HYAL3: variants seen among roughly 807,000 people sequenced by gnomAD.
HYAL3 encodes the protein hyaluronidase-3.
In HYAL3, 25 loss-of-function variants were observed where a neutral mutation model predicts 29.6. The observed-to-expected ratio is 0.85, with a 90% CI of 0.62 to 1.18. The LOEUF (loss-of-function observed/expected upper bound fraction) is 1.18, where lower values mean the gene tolerates loss of function less well. Ranked by LOEUF, HYAL3 falls within the 50% of genes most tolerant of loss-of-function variation. The probability of loss-of-function intolerance (pLI) is 0.00; values close to 1 mark genes in which losing one functional copy is unlikely to be tolerated. For missense variants in HYAL3, 442 were observed against 548.4 expected (o/e 0.81, Z 1.94); for synonymous variants, 215 against 218.3 (o/e 0.99, Z 0.13).
At position 50,295,044 on chromosome 3, in the gene HYAL3, C is replaced by G; in HGVS notation, c.559G>C (p.Val187Leu). Reference protein sequence around the residue: ...ARALMEDTLRVAQALRPHGLW... With the variant: ...ARALMEDTLRLAQALRPHGLW... ...CCATGGGGCCGTAGTGCCTGGGCCACCCGCAGCGTATCCTCCATCAGTGCA... is the reference window on the plus strand; with the variant it reads ...CCATGGGGCCGTAGTGCCTGGGCCAGCCGCAGCGTATCCTCCATCAGTGCA... The change falls in exon 2 of 4, where the codon GTG becomes CTG. Residue 187 changes from valine (V) to leucine (L), a missense_variant. By Grantham distance (32) the Val-to-Leu change is conservative. Transcript: ENST00000336307. 6.2e-7 allele frequency: 1 copy of G among 1,613,462 alleles called. No individual in the cohort carries two copies.
chr3:50,294,633 AG>A, intron 2 of HYAL3, 75 bp downstream of exon 2: 1 of 1,295,216 alleles, frequency 7.7e-7, no homozygotes, highest in Non-Finnish European at 1.0e-6. Context: ...CCCCTAGGCA[AG>A]GTCTTCTCCT....
rs587627859 is a variant in HYAL3 at position 50,293,437 on chromosome 3, C to T, written c.1063G>A (p.Ala355Thr). 1.2e-6 allele frequency: 2 copies of T among 1,613,734 alleles called. No homozygotes were observed. The highest frequency in any genetic ancestry group is 2.7e-5 in the African/African-American group (2 of 75,070). ...YVINVTRAAM[A>T]CSHQRCHGHG... ...CCATGGCACCGCTGGTGACTGCAGG[C>T]CATCGCTGCCCTGGTCACATTGATC... Residue 355 changes from alanine to threonine, a missense_variant, in exon 4 of 4, where the codon GCC becomes ACC. By Grantham distance (58) the Ala-to-Thr change is moderately conservative. Transcript: ENST00000336307.
chr3:50,298,023 A>G (rs1437509863), intron 1 of HYAL3: 6 of 985,976 alleles, frequency 6.1e-6, no homozygotes, highest in Non-Finnish European at 7.2e-6. Context: ...CAGGTCTATA[A>G]AACAGCCGAC....
chr3:50,297,874 A>G lies in HYAL3; in HGVS notation c.-18+1339T>C. 1 of 1,019,650 alleles carries G rather than the reference A, an allele frequency of 9.8e-7. No homozygotes were observed. The highest frequency in any genetic ancestry group is 4.5e-5 in the South Asian group (1 of 22,098). The allele number at this position is 1,019,650 out of a possible 1,614,324, so 63.2% of individuals were successfully genotyped here. A position where few individuals can be genotyped will look rare whatever the true frequency, so the allele number is the denominator to read the frequency against. On this transcript the variant is annotated intron_variant, in intron 1 of 3. Transcript: ENST00000336307. The surrounding 1 kb of genome is among the most constrained non-coding windows in gnomAD (Gnocchi z 4.3). ...GCAGGGCAGATAGATCCAGGTGTCT[A>G]CCCCACATTGGAGGGAGGCTGGGAG... is the stretch of plus-strand genomic sequence containing the variant.
chr3:50,297,802 C>A lies in HYAL3; in HGVS notation c.-18+1411G>T. The A allele has an allele frequency of 8.4e-7, 1 of 1,192,912 alleles. No individual in the cohort carries two copies. The highest frequency in any genetic ancestry group is 1.0e-6 in the Non-Finnish European group (1 of 961,334). The allele number at this position is 1,192,912 out of a possible 1,614,324, so 73.9% of individuals were successfully genotyped here. A position where few individuals can be genotyped will look rare whatever the true frequency, so the allele number is the denominator to read the frequency against. ...GTGGTGGGCTGCACTTTGTCCCACA[C>A]TCACCTGATAGCACAGGTGACCTGG... On this transcript the variant is annotated intron_variant, in intron 1 of 3. Coordinates refer to ENST00000336307, the MANE Select transcript of HYAL3 (RefSeq NM_003549.4). The surrounding 1 kb of genome is among the most constrained non-coding windows in gnomAD (Gnocchi z 4.3).
At position 50,297,347 on chromosome 3, in the gene HYAL3, A is replaced by T; in HGVS notation, c.-17-1728T>A. The stretch of plus-strand genomic sequence containing the variant: ...GGTGTTCAGGATCCAGGGTAAGCTC[A>T]GTTGGACCAGGATTGAAGGTCATCT... On this transcript the variant is annotated intron_variant, in intron 1 of 3. Coordinates refer to ENST00000336307, the MANE Select transcript of HYAL3 (RefSeq NM_003549.4). The surrounding 1 kb of genome is among the most constrained non-coding windows in gnomAD (Gnocchi z 4.3). 6.2e-7 allele frequency: 1 copy of T among 1,611,312 alleles called. No homozygotes were observed. Among genetic ancestry groups the T allele is most frequent in the Non-Finnish European group, 8.5e-7 (1 of 1,178,454 alleles).
rs781876186 is a variant in HYAL3 at position 50,294,895 on chromosome 3, G to A, written c.708C>T (p.Ala236=). 8.3e-6 allele frequency: 13 copies of A among 1,569,354 alleles called. No individual in the cohort carries two copies. The Admixed American group carries it at 1.4e-4, about 17-fold the overall frequency. Residue 236 remains alanine, a synonymous_variant, in exon 2 of 4, where the codon GCC becomes GCT. Transcript: ENST00000336307. ...TGCTGGGGAAGAGGGCACTGGAGGC[G>A]GCCCAGAGCCAATGCAGTTGAGTGT... is the stretch of plus-strand genomic sequence containing the variant. The part of the protein sequence containing the change: ...ARNTQLHWLW[A]ASSALFPSIY...
At position 50,297,485 on chromosome 3, in the gene HYAL3, A is replaced by T. The variant is rs782264090; in HGVS notation, c.-18+1728T>A. The T allele has an allele frequency of 3.8e-5, 60 of 1,566,608 alleles. No homozygotes were observed. In the Admixed American group the frequency reaches 1.1e-3, roughly 29 times the overall value. On this transcript the variant is annotated intron_variant, in intron 1 of 3. Coordinates refer to ENST00000336307, the MANE Select transcript of HYAL3 (RefSeq NM_003549.4). This position sits in a 1 kb window ranked among gnomAD's most constrained non-coding sequence, Gnocchi z 4.3. ...CCATCCGGTGTGTAGGGTCTAGTGTAGGGGTCAGCTTGGCTGGGCCAGGGC... is the reference window on the plus strand; with the variant it reads ...CCATCCGGTGTGTAGGGTCTAGTGTTGGGGTCAGCTTGGCTGGGCCAGGGC...
chr3:50,292,909 T>G lies in HYAL3; in HGVS notation c.*337A>C. The stretch of plus-strand genomic sequence containing the variant: ...TTTACCGACCTTCGCCAAGATTTTT[T>G]GGGGCCCATCTGCCCGTGCACGGCC... On this transcript the variant is annotated 3_prime_UTR_variant, in exon 4 of 4. Transcript: ENST00000336307. 1 of 1,501,602 alleles carries G rather than the reference T, an allele frequency of 6.7e-7. No individual in the cohort carries two copies. The highest frequency in any genetic ancestry group is 1.1e-5 in the South Asian group (1 of 89,414). 93.0% of individuals were successfully genotyped at this position (1,501,602 alleles called of 1,614,324 possible). A position where few individuals can be genotyped will look rare whatever the true frequency, so the allele number is the denominator to read the frequency against.
rs781987871 is a variant in HYAL3, at chr3:50,297,219, T to C, written c.-17-1600A>G. ...GCGGGAGGTGCGGCTGCGGGGCCAC[T>C]GATCATTGATGAGGTCAGCACAAGC... On this transcript the variant is annotated intron_variant, in intron 1 of 3. Transcript: ENST00000336307. This position sits in a 1 kb window ranked among gnomAD's most constrained non-coding sequence, Gnocchi z 4.3. 1.6e-5 allele frequency: 26 copies of C among 1,612,720 alleles called. No individual in the cohort carries two copies. In the South Asian group the frequency reaches 2.6e-4, roughly 16 times the overall value.
chr3:50,293,535 T>G lies in HYAL3; in HGVS notation c.985-20A>C, dbSNP rs782543339. On this transcript the variant is annotated intron_variant, in intron 3 of 3. Coordinates refer to ENST00000336307, the MANE Select transcript of HYAL3 (RefSeq NM_003549.4). ...CTCCTCCTGAGGAGAAGGGAAGATA[T>G]GTGTCAATATGCCTGCTCTATAATC... The G allele has an allele frequency of 6.2e-7, 1 of 1,611,266 alleles. No homozygotes were observed. The highest frequency in any genetic ancestry group is 8.5e-7 in the Non-Finnish European group (1 of 1,177,892).
chr3:50,294,896 G>A lies in HYAL3; in HGVS notation c.707C>T (p.Ala236Val). 1 of 1,575,582 alleles carries A rather than the reference G, an allele frequency of 6.3e-7. No homozygotes were observed. The highest frequency in any genetic ancestry group is 8.7e-7 in the Non-Finnish European group (1 of 1,154,310). Residue 236 changes from alanine (A) to valine (V), a missense_variant, in exon 2 of 4, where the codon GCC becomes GTC. Ala to Val is a moderately conservative substitution (Grantham distance 64). Coordinates refer to ENST00000336307, the MANE Select transcript of HYAL3 (RefSeq NM_003549.4). Reference protein sequence around the residue: ...ARNTQLHWLWAASSALFPSIY... With the variant: ...ARNTQLHWLWVASSALFPSIY... ...GCTGGGGAAGAGGGCACTGGAGGCG[G>A]CCCAGAGCCAATGCAGTTGAGTGTT...
At chr3:50,296,833 C>T (rs1434791748) in intron 1 of HYAL3, 1 of 1,585,396 alleles carries the variant, frequency 6.3e-7, no homozygotes, top group Admixed American at 1.8e-5. Flanking sequence ...GTGGGGAAGG[C>T]ATTAAGCAGG....
chr3:50,298,891 G>A (rs1465090836), intron 1 of HYAL3: 2 of 1,336,910 alleles, frequency 1.5e-6, no homozygotes, highest in African/African-American at 3.0e-5. Context: ...TCCGCCCCTA[G>A]GGCTGAGCCC....
chr3:50,292,891 ACCTTCG>A lies in HYAL3; in HGVS notation c.*349_*354del. ...CAGACAACAGCTTAGCACTTTACCG[ACCTTCG>A]CCAAGATTTTTTGGGGCCCATCTGC... On this transcript the variant is annotated 3_prime_UTR_variant, in exon 4 of 4. Coordinates refer to ENST00000336307, the MANE Select transcript of HYAL3 (RefSeq NM_003549.4). 3 of 1,493,120 alleles carry A rather than the reference ACCTTCG, an allele frequency of 2.0e-6. No individual in the cohort carries two copies. Among genetic ancestry groups the A allele is most frequent in the Non-Finnish European group, 2.7e-6 (3 of 1,113,238 alleles). The allele number at this position is 1,493,120 out of a possible 1,614,324, so 92.5% of individuals were successfully genotyped here.
In HYAL3 at chr3:50,293,327, C is replaced by T; in HGVS notation, c.1173G>A (p.Lys391=). 6.2e-7 allele frequency: 1 copy of T among 1,613,294 alleles called. No individual in the cohort carries two copies. The highest frequency in any genetic ancestry group is 8.5e-7 in the Non-Finnish European group (1 of 1,180,030). The change falls in exon 4 of 4, where the codon AAG becomes AAA. Residue 391 remains lysine (K), a synonymous_variant. Coordinates refer to ENST00000336307, the MANE Select transcript of HYAL3 (RefSeq NM_003549.4). The part of the protein sequence containing the change: ...LWPDGSLGDW[K]SFSCHCYWGW... ...CCCAGTAACAGTGGCAGCTGAAGGA[C>T]TTCCAATCTCCAAGGCTGCCGTCTG...
Position 50,293,653 on chromosome 3 carries a change from G to T in HYAL3, c.963C>A (p.Asp321Glu), listed in dbSNP as rs1553710442. Residue 321 changes from aspartate to glutamate, a missense_variant, in exon 3 of 4, where the codon GAC (aspartate) becomes GAA (glutamate). Coordinates refer to ENST00000336307, the MANE Select transcript of HYAL3 (RefSeq NM_003549.4). ...TCACCTCAGAGCTGGAGAGGCTCAG[G>T]TCCCCCCAGAGCACCACGCCGGCTG... Reference protein sequence around the residue: ...LGAAGVVLWGDLSLSSSEEEC... With the variant: ...LGAAGVVLWGELSLSSSEEEC... 1 of 1,613,814 alleles carries T rather than the reference G, an allele frequency of 6.2e-7. No individual in the cohort carries two copies. The highest frequency in any genetic ancestry group is 2.2e-5 in the East Asian group (1 of 44,888).
intron 1 of HYAL3, 134 bp downstream of exon 1, chr3:50,299,079 G>C (rs587641736): frequency 6.2e-7 from 1 of 1,606,686 alleles, no homozygotes; most frequent in Non-Finnish European, 8.5e-7. Flanking sequence ...TCGACTCTGT[G>C]GGCAGGTGTG....
chr3:50,296,744 T>C (rs782053569), intron 1 of HYAL3: 2 of 1,609,450 alleles, frequency 1.2e-6, no homozygotes, highest in South Asian at 1.1e-5. Flanking sequence ...GTGGTGGCAA[T>C]GGAGGTCCCT....
Sources: allele counts gnomAD v4.1 joint callset, GRCh38; gene constraint gnomAD v4.1.1; non-coding constraint Gnocchi (gnomAD v3.1); transcripts MANE v1.5; gene names NCBI Gene and HGNC (gene_info 2026-07-23, HGNC 2026-07-21).